Variants in IPCEF1 observed in about 807,000 individuals in gnomAD.
The protein encoded by IPCEF1 is interaction protein for cytohesin exchange factors 1.
A neutral mutation model predicts 50.9 loss-of-function variants in IPCEF1; 31 were observed. The ratio of observed to expected loss-of-function variants is 0.61; its 90% CI spans 0.46 to 0.82. IPCEF1 has a LOEUF of 0.82. Among genes scored for constraint, IPCEF1 ranks in the 40% least tolerant of loss-of-function variants. The pLI, the probability that IPCEF1 is intolerant of heterozygous loss-of-function variation, is 0.00. For missense variants in IPCEF1, 458 were observed against 514.0 expected (o/e 0.89, Z 1.05); for synonymous variants, 181 against 192.0 (o/e 0.94, Z 0.47).
chr6:154,191,363 T>C (rs7452342), intron 10 of IPCEF1, among the ~76,000 whole-genome samples: 102,809 of 151,844 alleles, frequency 0.68, 35,501 homozygotes, highest in East Asian at 0.89. Context: ...TAGAACTGTA[T>C]GACATAACGA....
intron 9 of IPCEF1, among the ~76,000 whole-genome samples, chr6:154,206,095 C>A (rs1777471374): frequency 6.6e-6 from 1 of 152,146 alleles, no homozygotes; most frequent in South Asian, 2.1e-4. Flanking sequence ...GTCCCTAGCA[C>A]ATGGTAAATA....
chr6:154,300,546 T>G (rs1782765099), intron 1 of IPCEF1, among the ~76,000 whole-genome samples: 1 of 152,102 alleles, frequency 6.6e-6, no homozygotes, highest in African/African-American at 2.4e-5. Flanking sequence ...TTTGGGAGTT[T>G]AAGGATACAT....
intron 2 of IPCEF1, among the ~76,000 whole-genome samples, chr6:154,269,776 C>G (rs1347987095): frequency 1.3e-5 from 2 of 152,038 alleles, no homozygotes; most frequent in Non-Finnish European, 2.9e-5. Context: ...AAGCCCATGG[C>G]CATAATAAAG....
intron 10 of IPCEF1, among the ~76,000 whole-genome samples, chr6:154,171,239 TA>T (rs1799845972): frequency 1.3e-5 from 2 of 152,122 alleles, no homozygotes; most frequent in African/African-American, 4.8e-5. Context: ...GATGAAAGGA[TA>T]AACAAAATGT....
At chr6:154,191,712 A>AAC (rs1562532434) in intron 10 of IPCEF1, among the ~76,000 whole-genome samples, 1 of 150,128 alleles carries the variant, frequency 6.7e-6, no homozygotes, top group Non-Finnish European at 1.5e-5. Context: ...ACAACAACAA[A>AAC]GAGTGAACCC....
At chr6:154,286,490 G>A (rs1782361761) in intron 2 of IPCEF1, among the ~76,000 whole-genome samples, 1 of 152,194 alleles carries the variant, frequency 6.6e-6, no homozygotes, top group African/African-American at 2.4e-5. Flanking sequence ...TCAAGATGGA[G>A]GACATTTTAT....
At chr6:154,262,020 G>C (rs1160369884) in intron 3 of IPCEF1, among the ~76,000 whole-genome samples, 1 of 152,170 alleles carries the variant, frequency 6.6e-6, no homozygotes, top group Non-Finnish European at 1.5e-5. Context: ...GAGAACAAAT[G>C]ACAGCAGAAA....
intron 2 of IPCEF1, among the ~76,000 whole-genome samples, chr6:154,272,433 A>G (rs1213904916): frequency 1.3e-5 from 2 of 152,260 alleles, no homozygotes; most frequent in East Asian, 3.8e-4. Flanking sequence ...TTAAGGGAAT[A>G]GTTATCTCAG....
chr6:154,283,291 CA>C (rs35691566), intron 2 of IPCEF1, among the ~76,000 whole-genome samples: 24,155 of 65,928 alleles, frequency 0.37, 2,296 homozygotes, highest in East Asian at 0.45. Flanking sequence ...AACTCCATCT[CA>C]AAAAAAAAAA....
At chr6:154,223,560 C>G (rs199762291) in intron 5 of IPCEF1, among the ~76,000 whole-genome samples, 4 of 151,802 alleles carry the variant, frequency 2.6e-5, no homozygotes, top group Non-Finnish European at 5.9e-5. Context: ...GCTAACCCAA[C>G]AGTCATGTCT....
Position 154,168,958 on chromosome 6 carries a change from C to T in IPCEF1, c.911-845G>A, listed in dbSNP as rs533582840. On this transcript the variant is annotated intron_variant, in intron 10 of 11. Coordinates refer to ENST00000367220, the MANE Select transcript of IPCEF1 (RefSeq NM_001130700.2). The surrounding 1 kb of genome is among the most constrained non-coding windows in gnomAD (Gnocchi z 4.1). ...TTCAACCCATACATAGTCCACCCTC[C>T]GGCCTCCTAAATTCATGTGTTTCTC... Among the ~76,000 whole-genome samples, 375 of 152,238 alleles carry T rather than the reference C, an allele frequency of 2.5e-3. 1 individual carries two copies. Among genetic ancestry groups the T allele is most frequent in the African/African-American group, 8.2e-3 (340 of 41,538 alleles).
rs66951776 is a variant in IPCEF1 at position 154,182,977 on chromosome 6, C to CT, written c.911-14865dup. ...AGGCTGAACAAATAAATGCCCTTAT[C>CT]TTTTTTTTTTCTTTTTTTTTGAGAC... On this transcript the variant is annotated intron_variant, in intron 10 of 11. Coordinates refer to ENST00000367220, the MANE Select transcript of IPCEF1 (RefSeq NM_001130700.2). Among the ~76,000 whole-genome samples the CT allele has an allele frequency of 2.2e-4, 33 of 148,724 alleles. 2 individuals are homozygous for CT. The highest frequency in any genetic ancestry group is 1.2e-3 in the Admixed American group (18 of 14,912).
intron 1 of IPCEF1, among the ~76,000 whole-genome samples, chr6:154,290,230 GA>G (rs1459444146): frequency 6.6e-6 from 1 of 152,102 alleles, no homozygotes; most frequent in Non-Finnish European, 1.5e-5. Flanking sequence ...ACTGGTAAGG[GA>G]AAAATGCCTC....
intron 7 of IPCEF1, among the ~76,000 whole-genome samples, chr6:154,219,526 G>A (rs1342720101): frequency 6.6e-6 from 1 of 152,142 alleles, no homozygotes; most frequent in East Asian, 1.9e-4. Context: ...GCGGCGGACT[G>A]ACCTCACTAT....
At chr6:154,291,497 C>G (rs1312738068) in intron 1 of IPCEF1, among the ~76,000 whole-genome samples, 1 of 151,986 alleles carries the variant, frequency 6.6e-6, no homozygotes, top group Non-Finnish European at 1.5e-5. Flanking sequence ...TGGCCTTCAC[C>G]TTGATTCCCA....
At chr6:154,259,098 T>C (rs1487977255) in intron 3 of IPCEF1, among the ~76,000 whole-genome samples, 6 of 152,166 alleles carry the variant, frequency 3.9e-5, no homozygotes, top group African/African-American at 1.4e-4. Flanking sequence ...TCAGCAAAGT[T>C]AAGCAACACA....
At chr6:154,317,142 G>C (rs1783240655) in intron 1 of IPCEF1, among the ~76,000 whole-genome samples, 1 of 152,092 alleles carries the variant, frequency 6.6e-6, no homozygotes, top group South Asian at 2.1e-4. Context: ...GAATAAGCAA[G>C]CCACAAGCTG....
At position 154,316,495 on chromosome 6, in the gene IPCEF1, A is replaced by T. The variant is rs1448658187; in HGVS notation, c.-61-26739T>A. ...AACATGAATAAACCTGGAGAACATTATGTTACATGAAATAAGCCAGACACA... is the reference window on the plus strand; with the variant it reads ...AACATGAATAAACCTGGAGAACATTTTGTTACATGAAATAAGCCAGACACA... On this transcript the variant is annotated intron_variant, in intron 1 of 11. Transcript: ENST00000367220. Among the ~76,000 whole-genome samples, 7 of 152,224 alleles carry T rather than the reference A, an allele frequency of 4.6e-5. 1 individual carries two copies. The East Asian group carries it at 1.3e-3, about 29-fold the overall frequency.
chr6:154,244,773 C>A (rs997910537), intron 5 of IPCEF1, among the ~76,000 whole-genome samples: 1 of 152,184 alleles, frequency 6.6e-6, no homozygotes. Flanking sequence ...GGACAGCAGC[C>A]AGAACATATT....
Sources: gnomAD v4.1 joint callset for allele counts (sites outside exome capture counted in the v4.1 genomes callset) on GRCh38, gnomAD v4.1.1 for gene constraint, Gnocchi (gnomAD v3.1) non-coding constraint, MANE v1.5 for transcripts, NCBI Gene and HGNC (gene_info 2026-07-23, HGNC 2026-07-21) for gene names.